HMCN1: variants seen among roughly 807,000 people sequenced by gnomAD.
The protein encoded by HMCN1 is hemicentin 1, also known as hemicentin-1.
A neutral mutation model predicts 625.9 loss-of-function variants in HMCN1; 321 were observed. The ratio of observed to expected loss-of-function variants is 0.51; its 90% CI spans 0.47 to 0.56. The LOEUF is 0.56. Ranked by LOEUF, HMCN1 falls within the 20% of genes least tolerant of loss-of-function variation. HMCN1 has a pLI of 0.00. For synonymous variants in HMCN1, 2,425 were observed against 2,417.6 expected (o/e 1.00, Z -0.09); for missense variants, 6,588 against 6,887.3 (o/e 0.96, Z 1.54).
chr1:186,061,208 G>T (rs1388204750), intron 46 of HMCN1, among the ~76,000 whole-genome samples: 1 of 152,066 alleles, frequency 6.6e-6, no homozygotes, highest in Non-Finnish European at 1.5e-5. Context: ...AAGGAGAGAG[G>T]TTTAATTGAC....
rs371455899 is a variant in HMCN1 at position 186,186,994 on chromosome 1, T to TCACACACACACACACA, written c.16415-861_16415-846dup. 2.1e-3 allele frequency among the ~76,000 whole-genome samples: 282 copies of TCACACACACACACACA among 134,580 alleles called. 2 individuals carry two copies. Among genetic ancestry groups the TCACACACACACACACA allele is most frequent in the African/African-American group, 6.2e-3 (212 of 34,180 alleles). The allele number at this position is 134,580 out of a possible 152,430, so 88.3% of individuals were successfully genotyped here. On this transcript the variant is annotated intron_variant, in intron 105 of 106. Transcript: ENST00000271588. ...CAATCTCACATTCTCTGTCTCTGTC[T>TCACACACACACACACA]CACACACACACACACACACACACAC... is the stretch of plus-strand genomic sequence containing the variant.
chr1:185,981,581 A>C (rs1651638647), intron 17 of HMCN1, among the ~76,000 whole-genome samples: 1 of 152,284 alleles, frequency 6.6e-6, no homozygotes, highest in South Asian at 2.1e-4. Context: ...CTGAAATAGT[A>C]CTACGTTGCT....
chr1:185,938,431 C>G (rs1294413890), intron 11 of HMCN1, among the ~76,000 whole-genome samples: 1 of 151,794 alleles, frequency 6.6e-6, no homozygotes, highest in Non-Finnish European at 1.5e-5. Flanking sequence ...ATGATAATTG[C>G]AGTGGATATT....
At chr1:185,892,805 C>T (rs1190268082) in intron 4 of HMCN1, among the ~76,000 whole-genome samples, 1 of 152,202 alleles carries the variant, frequency 6.6e-6, no homozygotes, top group Non-Finnish European at 1.5e-5. Flanking sequence ...CCTACAGAGG[C>T]AGGCAGGCCT....
intron 1 of HMCN1, among the ~76,000 whole-genome samples, chr1:185,842,916 G>A (rs1458159222): frequency 6.6e-6 from 1 of 151,994 alleles, no homozygotes; most frequent in Admixed American, 6.5e-5. Flanking sequence ...GAAAGTTAGC[G>A]AGCTGCATAG....
chr1:185,895,246 G>T (rs1376547064), intron 4 of HMCN1, among the ~76,000 whole-genome samples: 1 of 152,142 alleles, frequency 6.6e-6, no homozygotes, highest in African/African-American at 2.4e-5. Flanking sequence ...TAAAATCTTT[G>T]CATTAAATCC....
chr1:185,953,281 T>A (rs900153955), intron 11 of HMCN1, among the ~76,000 whole-genome samples: 1 of 151,768 alleles, frequency 6.6e-6, no homozygotes, highest in African/African-American at 2.4e-5. Flanking sequence ...TACTTGACCC[T>A]TCCCCAGAAA....
intron 1 of HMCN1, among the ~76,000 whole-genome samples, chr1:185,784,051 G>T (rs1657367776): frequency 6.6e-6 from 1 of 152,198 alleles, no homozygotes; most frequent in African/African-American, 2.4e-5. Flanking sequence ...CCTCAGCAAT[G>T]GCGGTCGCCC....
intron 1 of HMCN1, among the ~76,000 whole-genome samples, chr1:185,763,030 G>A (rs2102126717): frequency 6.6e-6 from 1 of 152,212 alleles, no homozygotes; most frequent in South Asian, 2.1e-4. Flanking sequence ...TGAGAAGAAC[G>A]GAGATCTGTC....
chr1:186,133,385 A>G (rs1662048936), intron 86 of HMCN1, among the ~76,000 whole-genome samples: 1 of 152,224 alleles, frequency 6.6e-6, no homozygotes, highest in Non-Finnish European at 1.5e-5. Flanking sequence ...CTTTCATGAA[A>G]TAACTAAACG....
At chr1:185,795,468 C>T (rs532154352) in intron 1 of HMCN1, among the ~76,000 whole-genome samples, 27 of 152,236 alleles carry the variant, frequency 1.8e-4, no homozygotes, top group African/African-American at 6.5e-4. Context: ...TCTAGTAACA[C>T]ATAAAATTTG....
At chr1:185,887,670 G>T (rs1384994317) in intron 4 of HMCN1, among the ~76,000 whole-genome samples, 1 of 144,984 alleles carries the variant, frequency 6.9e-6, no homozygotes, top group Non-Finnish European at 1.5e-5. Context: ...GTATTCCATG[G>T]TGTATATGTG....
At chr1:185,794,696 T>C (rs1658250739) in intron 1 of HMCN1, among the ~76,000 whole-genome samples, 1 of 151,206 alleles carries the variant, frequency 6.6e-6, no homozygotes. Context: ...GGGTCTGCCT[T>C]TCCCAGCCCA....
chr1:186,014,829 T>TGG (rs1654252576), intron 30 of HMCN1, among the ~76,000 whole-genome samples: 2 of 152,124 alleles, frequency 1.3e-5, no homozygotes, highest in Non-Finnish European at 1.5e-5. Flanking sequence ...ATTTGAAACT[T>TGG]GCTGTGTCTC....
intron 1 of HMCN1, among the ~76,000 whole-genome samples, chr1:185,762,676 A>G (rs934862964): frequency 8.5e-5 from 13 of 152,138 alleles, no homozygotes; most frequent in African/African-American, 3.1e-4. Context: ...TAACCCAAAG[A>G]TATGTAGTTA....
chr1:186,185,430 A>C (rs978170403), intron 105 of HMCN1, among the ~76,000 whole-genome samples: 1 of 152,204 alleles, frequency 6.6e-6, no homozygotes, highest in Non-Finnish European at 1.5e-5. Flanking sequence ...CTGGCTGATA[A>C]AATCATAATT....
rs200397091 is a variant in HMCN1 at position 186,095,466 on chromosome 1, C to T, written c.10518C>T (p.Cys3506=). ...CTGAAGATTCGGGAAAGTACACCTG[C>T]ATTGCCTCAAATGAAGCTGGAGAAG... is the stretch of plus-strand genomic sequence containing the variant. ...AETEDSGKYT[C]IASNEAGEVS... Residue 3506 remains cysteine (C), a synonymous_variant, in exon 68 of 107, where the codon TGC becomes TGT. Coordinates refer to ENST00000271588, the MANE Select transcript of HMCN1 (RefSeq NM_031935.3). 3.6e-4 allele frequency: 587 copies of T among 1,613,680 alleles called. 3 individuals are homozygous for T. The highest frequency in any genetic ancestry group is 2.5e-5 in the Non-Finnish European group (30 of 1,179,748).
In HMCN1 at chr1:186,090,661, A is replaced by G. The variant is rs113186178; in HGVS notation, c.9728-97A>G. The G allele has an allele frequency of 4.9e-4, 687 of 1,388,688 alleles. 1 individual carries two copies. The African/African-American group carries it at 8.2e-3, about 17-fold the overall frequency. 86.0% of individuals were successfully genotyped at this position (1,388,688 alleles called of 1,614,324 possible). ...TGACCTTGAACCATAATCTACAAAG[A>G]ATATGAACTAGAAATGTCATATTGT... is the stretch of plus-strand genomic sequence containing the variant. On this transcript the variant is annotated intron_variant, in intron 63 of 106. Coordinates refer to ENST00000271588, the MANE Select transcript of HMCN1 (RefSeq NM_031935.3).
At chr1:186,109,822 C>T (rs941215160) in intron 71 of HMCN1, among the ~76,000 whole-genome samples, 1 of 152,174 alleles carries the variant, frequency 6.6e-6, no homozygotes, top group African/African-American at 2.4e-5. Flanking sequence ...GATGGTTCCC[C>T]ATAGATTTCA....
Sources: allele counts gnomAD v4.1 joint callset (sites outside exome capture counted in the v4.1 genomes callset), GRCh38; gene constraint gnomAD v4.1.1; transcripts MANE v1.5; gene names NCBI Gene and HGNC (gene_info 2026-07-23, HGNC 2026-07-21).